DNAJC6: variants seen among roughly 807,000 people sequenced by gnomAD.
DNAJC6 encodes the protein auxilin.
In DNAJC6, 34 loss-of-function variants were observed where a neutral mutation model predicts 110.0. That is an observed-to-expected ratio of 0.31 (90% CI 0.24 to 0.41). DNAJC6 has a LOEUF of 0.41. Among genes scored for constraint, DNAJC6 ranks in the 10% least tolerant of loss-of-function variants. DNAJC6 has a pLI of 1.00. For synonymous variants in DNAJC6, 406 were observed against 437.2 expected, an observed-to-expected ratio of 0.93 and a Z score of 0.89; for missense variants, 1,031 against 1,207.8, an observed-to-expected ratio of 0.85 and a Z score of 2.17.
At chr1:65,342,850 G>C (rs1003539610) in intron 1 of DNAJC6, among the ~76,000 whole-genome samples, 2 of 152,160 alleles carry the variant, frequency 1.3e-5, no homozygotes, top group African/African-American at 4.8e-5. Flanking sequence ...TCAATTAAGT[G>C]TCCTTTTTTA....
chr1:65,293,214 G>A (rs1570230508), intron 1 of DNAJC6, among the ~76,000 whole-genome samples: 2 of 152,220 alleles, frequency 1.3e-5, no homozygotes, highest in African/African-American at 2.4e-5. Flanking sequence ...GGCAGATTCA[G>A]TTGCTATGAG....
chr1:65,371,838 A>C (rs1187016783), intron 4 of DNAJC6, among the ~76,000 whole-genome samples: 1 of 152,228 alleles, frequency 6.6e-6, no homozygotes, highest in Non-Finnish European at 1.5e-5. Flanking sequence ...CAGCTACTGC[A>C]TGAAGCTGTG....
intron 1 of DNAJC6, among the ~76,000 whole-genome samples, chr1:65,356,629 T>C (rs965891400): frequency 2.0e-5 from 3 of 151,954 alleles, no homozygotes; most frequent in African/African-American, 7.2e-5. Context: ...TAAAAATTTC[T>C]GGTCATTTTA....
chr1:65,368,751 C>T (rs1227307543), intron 4 of DNAJC6, among the ~76,000 whole-genome samples: 1 of 432 alleles, frequency 2.3e-3, no homozygotes, highest in Non-Finnish European at 7.0e-3. Context: ...CTCCCCTCCC[C>T]TCCCTTCTCT....
chr1:65,267,058 G>A (rs1051054844), intron 1 of DNAJC6, among the ~76,000 whole-genome samples: 7 of 151,972 alleles, frequency 4.6e-5, no homozygotes, highest in African/African-American at 7.3e-5. Flanking sequence ...CACCACGCCC[G>A]GTTAATTTTT....
At chr1:65,332,661 A>G (rs1645299328) in intron 1 of DNAJC6, among the ~76,000 whole-genome samples, 1 of 152,110 alleles carries the variant, frequency 6.6e-6, no homozygotes, top group South Asian at 2.1e-4. Context: ...GTCCTTGGTG[A>G]AGTGTTATTC....
At position 65,374,845 on chromosome 1, in the gene DNAJC6, G is replaced by A. The variant is rs548221229; in HGVS notation, c.544-4557G>A. ...AATAATAGTGGCGAAAGTGGGTATC[G>A]TTGTTGTGTTCCATTCTTTAGAGGA... On this transcript the variant is annotated intron_variant, in intron 4 of 18. Transcript: ENST00000371069. Among the ~76,000 whole-genome samples the A allele has an allele frequency of 8.5e-5, 13 of 152,166 alleles. No individual in the cohort carries two copies. In the East Asian group the frequency reaches 1.9e-3, roughly 23 times the overall value.
intron 1 of DNAJC6, among the ~76,000 whole-genome samples, chr1:65,336,240 G>A (rs912285557): frequency 6.6e-6 from 1 of 152,010 alleles, no homozygotes; most frequent in African/African-American, 2.4e-5. Context: ...AGCAAAAGGA[G>A]GAAAAGTCCC....
chr1:65,332,367 A>G (rs1361998594), intron 1 of DNAJC6, among the ~76,000 whole-genome samples: 2 of 152,224 alleles, frequency 1.3e-5, no homozygotes, highest in African/African-American at 2.4e-5. Context: ...GGAATCAATT[A>G]TGCAAAGAGC....
intron 1 of DNAJC6, among the ~76,000 whole-genome samples, chr1:65,343,140 A>G (rs566931392): frequency 2.0e-5 from 3 of 152,122 alleles, no homozygotes; most frequent in Non-Finnish European, 2.9e-5. Context: ...AAACACCATA[A>G]TATCTTGGCT....
intron 1 of DNAJC6, among the ~76,000 whole-genome samples, chr1:65,281,744 G>A (rs1653852419): frequency 6.6e-6 from 1 of 151,896 alleles, no homozygotes; most frequent in South Asian, 2.1e-4. Context: ...GAGTAGCTGG[G>A]ACTACAGGCG....
At position 65,405,351 on chromosome 1, in the gene DNAJC6, C is replaced by A. The variant is rs1448616482; in HGVS notation, c.2228-519C>A. Among the ~76,000 whole-genome samples the A allele has an allele frequency of 3.3e-5, 5 of 152,326 alleles. No homozygotes were observed. The South Asian group carries it at 1.0e-3, about 32-fold the overall frequency. ...AAACATCTTTATTTACTCTTGGGCA[C>A]TAACCATGCTTTATAACAAAAAATG... On this transcript the variant is annotated intron_variant, in intron 15 of 18. Coordinates refer to ENST00000371069, the MANE Select transcript of DNAJC6 (RefSeq NM_001256864.2).
chr1:65,400,267 G>A (rs990614655), intron 14 of DNAJC6, among the ~76,000 whole-genome samples: 1 of 152,220 alleles, frequency 6.6e-6, no homozygotes, highest in Non-Finnish European at 1.5e-5. Flanking sequence ...CATACACTGT[G>A]ATATGGTTAA....
chr1:65,412,851 T>C (rs2101647372), intron 18 of DNAJC6, 73 bp from the exon 19 acceptor site: 1 of 1,217,094 alleles, frequency 8.2e-7, no homozygotes, highest in East Asian at 2.3e-5. Flanking sequence ...GCCCATATAT[T>C]GGCAGTGAAA....
chr1:65,287,340 T>C (rs973589288), intron 1 of DNAJC6, among the ~76,000 whole-genome samples: 4 of 152,218 alleles, frequency 2.6e-5, no homozygotes, highest in Non-Finnish European at 4.4e-5. Context: ...TAAAAATGGA[T>C]ACTTAAAAGT....
In DNAJC6 at chr1:65,389,235, CT is replaced by C. The variant is rs1645901100; in HGVS notation, c.1194-15del. 6.2e-7 allele frequency: 1 copy of C among 1,603,124 alleles called. No individual in the cohort carries two copies. Among genetic ancestry groups the C allele is most frequent in the Non-Finnish European group, 8.5e-7 (1 of 1,173,406 alleles). On this transcript the variant is annotated intron_variant, in intron 9 of 18. Coordinates refer to ENST00000371069, the MANE Select transcript of DNAJC6 (RefSeq NM_001256864.2). ...TTCCATTGTTTTTCACTGAATTTATCTTTTTTAAATCCCTATTTAGGCCTGA... is the reference window on the plus strand; with the variant it reads ...TTCCATTGTTTTTCACTGAATTTATCTTTTTAAATCCCTATTTAGGCCTGA...
At chr1:65,389,152 A>G in intron 9 of DNAJC6, 104 bp from the exon 10 acceptor site, 1 of 1,045,120 alleles carries the variant, frequency 9.6e-7, no homozygotes, top group Non-Finnish European at 1.4e-6. Context: ...TAGAAATGAG[A>G]CTTAGATTTA....
At chr1:65,409,890 GT>G (rs1557568836) in intron 17 of DNAJC6, among the ~76,000 whole-genome samples, 1 of 151,934 alleles carries the variant, frequency 6.6e-6, no homozygotes, top group Non-Finnish European at 1.5e-5. Flanking sequence ...TCAGCATTTT[GT>G]TTTTTTAAGT....
At chr1:65,403,085 G>T (rs1646044613) in intron 15 of DNAJC6, among the ~76,000 whole-genome samples, 1 of 151,782 alleles carries the variant, frequency 6.6e-6, no homozygotes, top group Non-Finnish European at 1.5e-5. Context: ...TTATAGAAGG[G>T]GAATCAAATA....
Sources: allele counts gnomAD v4.1 joint callset (sites outside exome capture counted in the v4.1 genomes callset), GRCh38; gene constraint gnomAD v4.1.1; transcripts MANE v1.5; gene names NCBI Gene and HGNC (gene_info 2026-07-23, HGNC 2026-07-21).